The following LSS variants were observed in gnomAD, a reference collection of about 807,000 sequenced individuals.
The protein encoded by LSS is 2,3-epoxysqualene-lanosterol cyclase.
LSS carries 90 observed loss-of-function variants against 110.3 expected under a neutral mutation model. The observed-to-expected ratio is 0.82, with a 90% confidence interval of 0.69 to 0.97. The LOEUF (loss-of-function observed/expected upper bound fraction) is 0.97. LSS is among the 50% of genes least tolerant of loss of function. LSS has a pLI of 0.00. For synonymous variants in LSS, 433 were observed against 400.0 expected, an observed-to-expected ratio of 1.08 and a Z score of -0.98; for missense variants, 927 against 990.0, an observed-to-expected ratio of 0.94 and a Z score of 0.85.
chr21:46,203,641 G>A (rs1025612729), intron 17 of LSS, among the ~76,000 whole-genome samples: 3 of 152,204 alleles, frequency 2.0e-5, no homozygotes, highest in African/African-American at 4.8e-5. Context: ...ACCTCATGCC[G>A]CAGAGCAGCA....
chr21:46,215,433 G>A, intron 8 of LSS, 135 bp from the exon 9 acceptor site: 1 of 615,880 alleles, frequency 1.6e-6, no homozygotes, highest in Non-Finnish European at 2.8e-6. Flanking sequence ...TGGTCTCTGA[G>A]CTCCTCCTTC....
In LSS at chr21:46,191,905, C is replaced by T. The variant is rs762971021; in HGVS notation, c.2043G>A (p.Gln681=). 6 of 1,613,526 alleles carry T rather than the reference C, an allele frequency of 3.7e-6. No homozygotes were observed. The highest frequency in any genetic ancestry group is 5.1e-6 in the Non-Finnish European group (6 of 1,179,900). ...CCTGCGGCCAGTCGCCATTGGGGAG[C>T]TGTTTCTCAAGTAGACACCGGACTC... ...ERGVRCLLEK[Q]LPNGDWPQEN... The change falls in exon 21 of 22, where the codon CAG becomes CAA. Residue 681 remains glutamine, a synonymous_variant. Coordinates refer to ENST00000397728, the MANE Select transcript of LSS (RefSeq NM_002340.6).
At chr21:46,219,695 C>T (rs1430728967) in intron 5 of LSS, 123 bp from the exon 6 acceptor site, 1 of 552,886 alleles carries the variant, frequency 1.8e-6, no homozygotes, top group Non-Finnish European at 3.1e-6. Flanking sequence ...GCAAGGGCAG[C>T]CTCATGTGGA....
chr21:46,205,930 T>C lies in LSS; in HGVS notation c.1576A>G (p.Ile526Val). 2 of 1,607,568 alleles carry C rather than the reference T, an allele frequency of 1.2e-6. No homozygotes were observed. The highest frequency in any genetic ancestry group is 8.5e-7 in the Non-Finnish European group (1 of 1,176,730). Residue 526 changes from isoleucine to valine, a missense_variant, in exon 17 of 22, where the codon ATT (isoleucine) becomes GTT (valine). Physicochemically the swap from Ile to Val is conservative, Grantham distance 29. Coordinates refer to ENST00000397728, the MANE Select transcript of LSS (RefSeq NM_002340.6). ...NPSEVFGDIM[I>V]DYTYVECTSA... ...GTGCACTCCACATAGGTGTAGTCAATCATGATGTCCCCTGGGAAAGGGAGG... is the reference window on the plus strand; with the variant it reads ...GTGCACTCCACATAGGTGTAGTCAACCATGATGTCCCCTGGGAAAGGGAGG...
intron 13 of LSS, 58 bp from the exon 14 acceptor site, chr21:46,208,359 C>A: frequency 7.2e-7 from 1 of 1,392,728 alleles, no homozygotes; most frequent in Non-Finnish European, 1.0e-6. Flanking sequence ...GGGACGTCCC[C>A]ATCTGGGACA....
intron 17 of LSS, among the ~76,000 whole-genome samples, chr21:46,200,629 C>A (rs2123708633): frequency 6.6e-6 from 1 of 151,056 alleles, no homozygotes; most frequent in East Asian, 1.9e-4. Flanking sequence ...ATGACAAAGT[C>A]ATCAAACACA....
intron 17 of LSS, among the ~76,000 whole-genome samples, chr21:46,202,166 G>T (rs1212388869): frequency 7.1e-6 from 1 of 140,892 alleles, no homozygotes; most frequent in Non-Finnish European, 1.6e-5. Flanking sequence ...AGGCCGAGGC[G>T]GGCGGATCAC....
Position 46,191,111 on chromosome 21 carries a change from T to C in LSS, c.2192A>G (p.His731Arg). The change falls in exon 22 of 22, where the codon CAC (histidine) becomes CGC (arginine). Residue 731 changes from histidine (H) to arginine (R), a missense_variant. Physicochemically the swap from His to Arg is conservative, Grantham distance 29. Transcript: ENST00000397728. ...CAGCAGGTAGGCATGTTCTCAGGGGTGGCCAGCAAGGGCTCTCTCAGGGTA... is the reference window on the plus strand; with the variant it reads ...CAGCAGGTAGGCATGTTCTCAGGGGCGGCCAGCAAGGGCTCTCTCAGGGTA... ...QLYPERALAGHP is the reference protein window; with the variant it reads ...QLYPERALAGRP The C allele has an allele frequency of 6.2e-7, 1 of 1,613,962 alleles. No individual in the cohort carries two copies. Among genetic ancestry groups the C allele is most frequent in the Non-Finnish European group, 8.5e-7 (1 of 1,179,986 alleles).
intron 9 of LSS, 53 bp downstream of exon 9, chr21:46,215,127 T>A: frequency 6.7e-7 from 1 of 1,488,648 alleles, no homozygotes. Flanking sequence ...GGACTTCACT[T>A]TCGGACCTCA....
Position 46,210,320 on chromosome 21 carries a change from C to A in LSS, c.1194+368G>T, listed in dbSNP as rs149554580. Among the ~76,000 whole-genome samples, 170 of 152,218 alleles carry A rather than the reference C, an allele frequency of 1.1e-3. 5 individuals are homozygous for A. The East Asian group carries it at 0.027, about 24-fold the overall frequency. On this transcript the variant is annotated intron_variant, in intron 12 of 21. Coordinates refer to ENST00000397728, the MANE Select transcript of LSS (RefSeq NM_002340.6). ...TGACCTCGTGATCCACCCTCCTCGG[C>A]CTCCCAAAGTGCTGGGATTACAGGT...
At chr21:46,223,931 G>A (rs1359380214) in intron 3 of LSS, among the ~76,000 whole-genome samples, 1 of 152,138 alleles carries the variant, frequency 6.6e-6, no homozygotes, top group East Asian at 1.9e-4. Flanking sequence ...GGAAAGGGAG[G>A]CTCCCTTTCC....
chr21:46,208,068 C>G (rs2080076944), intron 14 of LSS, among the ~76,000 whole-genome samples, 183 bp downstream of exon 14: 1 of 152,246 alleles, frequency 6.6e-6, no homozygotes, highest in Non-Finnish European at 1.5e-5. Context: ...CCTCCATGTG[C>G]CAGGCAGCTC....
chr21:46,224,495 C>T (rs955720889), intron 3 of LSS, among the ~76,000 whole-genome samples: 1 of 152,096 alleles, frequency 6.6e-6, no homozygotes, highest in African/African-American at 2.4e-5. Flanking sequence ...GTCCCTACAC[C>T]CTGGAAGAAG....
At chr21:46,205,501 A>G (rs1340801689) in intron 17 of LSS, among the ~76,000 whole-genome samples, 1 of 152,198 alleles carries the variant, frequency 6.6e-6, no homozygotes, top group Non-Finnish European at 1.5e-5. Context: ...CAACCTGTAC[A>G]CTTTTCTGAA....
At chr21:46,213,251 C>T (rs911560044) in intron 10 of LSS, among the ~76,000 whole-genome samples, 199 bp from the exon 11 acceptor site, 1 of 152,222 alleles carries the variant, frequency 6.6e-6, no homozygotes, top group African/African-American at 2.4e-5. Flanking sequence ...AGGACACACT[C>T]ACCCAGAAGG....
chr21:46,195,201 A>G (rs1215337764), intron 19 of LSS, among the ~76,000 whole-genome samples: 1 of 152,234 alleles, frequency 6.6e-6, no homozygotes, highest in African/African-American at 2.4e-5. Flanking sequence ...GCGTCCCTCC[A>G]GCATACATGT....
chr21:46,218,555 C>T (rs1363423413), intron 6 of LSS, among the ~76,000 whole-genome samples: 4 of 151,910 alleles, frequency 2.6e-5, no homozygotes, highest in Admixed American at 1.3e-4. Flanking sequence ...ATCCAGGAGG[C>T]GGAGGTTGCA....
rs2280957 is a variant in LSS, at chr21:46,222,358, C to T, written c.428+272G>A. ...CAGAGTCAAGGGCAATTTTCTTCTGCCTTAAGTGATAACAGACTGACAGTT... is the reference window on the plus strand; with the variant it reads ...CAGAGTCAAGGGCAATTTTCTTCTGTCTTAAGTGATAACAGACTGACAGTT... On this transcript the variant is annotated intron_variant, in intron 4 of 21. Coordinates refer to ENST00000397728, the MANE Select transcript of LSS (RefSeq NM_002340.6). 262,578 of 549,572 alleles carry T rather than the reference C, an allele frequency of 0.48. 65,192 individuals carry two copies. Among genetic ancestry groups the T allele is most frequent in the African/African-American group, 0.67 (35,691 of 52,908 alleles). 34.0% of individuals were successfully genotyped at this position (549,572 alleles called of 1,614,324 possible).
At chr21:46,208,144 GGA>G in intron 14 of LSS, 105 bp downstream of exon 14, 6 of 1,067,248 alleles carry the variant, frequency 5.6e-6, no homozygotes, top group Non-Finnish European at 8.4e-6. Flanking sequence ...AAACGCCAAG[GGA>G]GGAGTCCCCC....
Sources: gnomAD v4.1 joint callset for allele counts (sites outside exome capture counted in the v4.1 genomes callset) on GRCh38, gnomAD v4.1.1 for gene constraint, MANE v1.5 for transcripts, NCBI Gene and HGNC (gene_info 2026-07-23, HGNC 2026-07-21) for gene names.